MYOM2: variants seen among roughly 807,000 people sequenced by gnomAD.
MYOM2 encodes myomesin 2.
In MYOM2, 254 loss-of-function variants were observed where a neutral mutation model predicts 187.6. The observed-to-expected ratio is 1.35, with a 90% CI of 1.22 to 1.50. The LOEUF (loss-of-function observed/expected upper bound fraction) is 1.50. MYOM2 is among the 40% of genes most tolerant of loss of function. The pLI, the probability that MYOM2 is intolerant of heterozygous loss-of-function variation, is 0.00. For missense variants in MYOM2, 2,796 were observed against 1,924.0 expected (o/e 1.45, Z -8.48); for synonymous variants, 981 against 753.8 (o/e 1.30, Z -4.94).
chr8:2,129,304 C>A (rs535145202), intron 32 of MYOM2, 72 bp downstream of exon 32: 4 of 998,038 alleles, frequency 4.0e-6, no homozygotes, highest in Admixed American at 1.8e-5. Flanking sequence ...TGGGACCAGG[C>A]GCTCCCTGGG....
At chr8:2,126,483 C>G (rs1009854737) in intron 31 of MYOM2, among the ~76,000 whole-genome samples, 1 of 152,190 alleles carries the variant, frequency 6.6e-6, no homozygotes, top group Non-Finnish European at 1.5e-5. Flanking sequence ...CACACTCATA[C>G]ATGCACACAC....
chr8:2,104,969 G>A (rs901661510), intron 21 of MYOM2, among the ~76,000 whole-genome samples: 1 of 152,128 alleles, frequency 6.6e-6, no homozygotes, highest in Non-Finnish European at 1.5e-5. Context: ...ATAGAGACAG[G>A]ATCTCACTAT....
chr8:2,076,382 C>T (rs979773379), intron 11 of MYOM2, 100 bp downstream of exon 11: 90 of 1,452,858 alleles, frequency 6.2e-5, no homozygotes, highest in Non-Finnish European at 7.9e-5. Context: ...TTGACGTTCC[C>T]ATTTTTTGAT....
intron 13 of MYOM2, among the ~76,000 whole-genome samples, chr8:2,083,047 G>A (rs966621962): frequency 3.9e-5 from 6 of 152,050 alleles, no homozygotes; most frequent in East Asian, 3.8e-4. Flanking sequence ...TTTAAGTGGA[G>A]GAAACCAATA....
chr8:2,106,447 C>T, intron 22 of MYOM2, 44 bp from the exon 23 acceptor site: 5 of 1,609,906 alleles, frequency 3.1e-6, no homozygotes, highest in Non-Finnish European at 4.3e-6. Context: ...GAAGTTCCTG[C>T]AAACAGAAAT....
chr8:2,054,098 C>G (rs1056474914), intron 3 of MYOM2, among the ~76,000 whole-genome samples: 5 of 152,160 alleles, frequency 3.3e-5, no homozygotes, highest in Non-Finnish European at 7.3e-5. Context: ...TCACCACTCT[C>G]ACGGGCTGCA....
intron 32 of MYOM2, 124 bp from the exon 33 acceptor site, chr8:2,140,599 C>G (rs570501922): frequency 2.2e-6 from 2 of 891,550 alleles, no homozygotes; most frequent in Non-Finnish European, 3.3e-6. Context: ...CCAGAATAAT[C>G]TATTGTGACA....
At chr8:2,141,548 G>C (rs753544331) in intron 34 of MYOM2, among the ~76,000 whole-genome samples, 1 of 152,226 alleles carries the variant, frequency 6.6e-6, no homozygotes, top group Non-Finnish European at 1.5e-5. Flanking sequence ...TTCTTTTACA[G>C]ACTAAGGGTA....
At chr8:2,113,605 C>A (rs573299522) in intron 25 of MYOM2, among the ~76,000 whole-genome samples, 1 of 152,256 alleles carries the variant, frequency 6.6e-6, no homozygotes, top group African/African-American at 2.4e-5. Context: ...GGGACAGGTT[C>A]ATAGTTTCAG....
chr8:2,096,349 T>A lies in MYOM2; in HGVS notation c.2228T>A (p.Leu743Gln), dbSNP rs1585897782. The change falls in exon 18 of 37, where the codon CTG becomes CAG. Residue 743 changes from leucine to glutamine, a missense_variant. Coordinates refer to ENST00000262113, the MANE Select transcript of MYOM2 (RefSeq NM_003970.4). ...AAATTCAGTGGTGGCTCGCCCATCC[T>A]GGGCTACTACCTGGACAAGCGTGAA... Reference protein sequence around the residue: ...VPKFSGGSPILGYYLDKREVH... With the variant: ...VPKFSGGSPIQGYYLDKREVH... 1.2e-6 allele frequency: 2 copies of A among 1,614,198 alleles called. No homozygotes were observed. Among genetic ancestry groups the A allele is most frequent in the Non-Finnish European group, 1.7e-6 (2 of 1,180,040 alleles).
At chr8:2,062,312 G>C (rs1201289779) in intron 6 of MYOM2, among the ~76,000 whole-genome samples, 2 of 152,228 alleles carry the variant, frequency 1.3e-5, no homozygotes, top group Non-Finnish European at 2.9e-5. Context: ...GGATCACTCT[G>C]ACTGCAGACA....
chr8:2,071,903 C>G (rs1343680840), intron 8 of MYOM2, among the ~76,000 whole-genome samples: 1 of 152,144 alleles, frequency 6.6e-6, no homozygotes, highest in Admixed American at 6.5e-5. Flanking sequence ...GGCGCTCATT[C>G]TCCCCTGGGG....
At chr8:2,061,691 T>C (rs1048244179) in intron 6 of MYOM2, among the ~76,000 whole-genome samples, 3 of 152,234 alleles carry the variant, frequency 2.0e-5, no homozygotes, top group Admixed American at 2.0e-4. Flanking sequence ...GTCCACCCTC[T>C]GCAGATTCAC....
At chr8:2,126,266 C>T (rs1483329940) in intron 31 of MYOM2, among the ~76,000 whole-genome samples, 3 of 152,150 alleles carry the variant, frequency 2.0e-5, no homozygotes, top group Non-Finnish European at 4.4e-5. Context: ...CAATAGGGAG[C>T]CTTTATTCTC....
Position 2,129,085 on chromosome 8 carries a change from G to T in MYOM2, c.3695-42G>T, listed in dbSNP as rs751601070. On this transcript the variant is annotated intron_variant, in intron 31 of 36. Transcript: ENST00000262113. ...GATGCTTTCTGTGATCACACAGCAG[G>T]CACTCCTTTTCCTAGATCTGAGGAT... The T allele has an allele frequency of 7.7e-6, 11 of 1,433,322 alleles. 1 individual carries two copies. In the South Asian group the frequency reaches 1.3e-4, roughly 17 times the overall value. The allele number at this position is 1,433,322 out of a possible 1,614,324, so 88.8% of individuals were successfully genotyped here.
intron 10 of MYOM2, among the ~76,000 whole-genome samples, chr8:2,075,581 C>G (rs1245840729): frequency 6.6e-6 from 1 of 152,186 alleles, no homozygotes; most frequent in East Asian, 1.9e-4. Flanking sequence ...GGTTCACATT[C>G]AGTGTATTAA....
At chr8:2,052,504 A>G (rs1453632390) in intron 3 of MYOM2, among the ~76,000 whole-genome samples, 191 bp downstream of exon 3, 1 of 152,170 alleles carries the variant, frequency 6.6e-6, no homozygotes, top group Non-Finnish European at 1.5e-5. Context: ...TATCTCAATT[A>G]ATCTGAACAA....
chr8:2,079,994 A>T (rs1163757164), intron 13 of MYOM2, among the ~76,000 whole-genome samples: 2 of 152,186 alleles, frequency 1.3e-5, no homozygotes, highest in African/African-American at 4.8e-5. Context: ...TACATTTTCT[A>T]AGCAAAAATT....
chr8:2,076,654 A>G (rs1049579702), intron 11 of MYOM2: 1 of 183,582 alleles, frequency 5.4e-6, no homozygotes, highest in African/African-American at 2.3e-5. Flanking sequence ...AAAGCTTGGA[A>G]CTGTCCTTCC....
Sources: gnomAD v4.1 joint callset for allele counts (sites outside exome capture counted in the v4.1 genomes callset) on GRCh38, gnomAD v4.1.1 for gene constraint, MANE v1.5 for transcripts, NCBI Gene and HGNC (gene_info 2026-07-23, HGNC 2026-07-21) for gene names.